Variants in CNTN6 observed in about 807,000 individuals in gnomAD.
The protein encoded by CNTN6 is contactin-6.
CNTN6 carries 137 observed loss-of-function variants against 122.8 expected under a neutral mutation model. That is an observed-to-expected ratio of 1.12 (90% CI 0.97 to 1.29). The LOEUF is 1.29. CNTN6 is among the 50% of genes most tolerant of loss of function. The probability of loss-of-function intolerance (pLI) is 0.00; values close to 1 mark genes in which losing one functional copy is unlikely to be tolerated. For synonymous variants in CNTN6, 570 were observed against 426.0 expected (o/e 1.34, Z -4.16); for missense variants, 1,634 against 1,223.4 (o/e 1.34, Z -5.01).
chr3:1,202,119 G>C (rs760792642), intron 2 of CNTN6, among the ~76,000 whole-genome samples: 10 of 152,158 alleles, frequency 6.6e-5, no homozygotes, highest in Admixed American at 6.5e-4. Flanking sequence ...ATGTCGCTGG[G>C]GAGTGTCACT....
At chr3:1,158,847 T>TGTGTGTGTATATATATGTATATATAC (rs2093046183) in intron 2 of CNTN6, among the ~76,000 whole-genome samples, 5 of 92,120 alleles carry the variant, frequency 5.4e-5, no homozygotes, top group Admixed American at 1.2e-4. Context: ...CACATATATA[T>TGTGTGTGTATATATATGTATATATAC]ACATACATAT....
intron 9 of CNTN6, 71 bp from the exon 10 acceptor site, chr3:1,327,386 A>C (rs577757855): frequency 6.9e-7 from 1 of 1,444,584 alleles, no homozygotes; most frequent in East Asian, 2.3e-5. Flanking sequence ...AATGTTGTTT[A>C]ATAACATATC....
At chr3:1,276,436 A>G (rs537159659) in intron 4 of CNTN6, among the ~76,000 whole-genome samples, 13 of 152,316 alleles carry the variant, frequency 8.5e-5, no homozygotes, top group African/African-American at 2.9e-4. Context: ...CTGCTGTATT[A>G]TTAGATTATT....
chr3:1,243,788 G>C (rs1450651413), intron 4 of CNTN6, among the ~76,000 whole-genome samples: 1 of 152,160 alleles, frequency 6.6e-6, no homozygotes, highest in Non-Finnish European at 1.5e-5. Context: ...GAGGAGGGGA[G>C]GCTGAGGAAG....
chr3:1,403,462 A>AACAGTGACT lies in CNTN6; in HGVS notation c.*44_*45insACAGTGACT. On this transcript the variant is annotated 3_prime_UTR_variant, in exon 23 of 23. Coordinates refer to ENST00000446702, the MANE Select transcript of CNTN6 (RefSeq NM_001289080.2). ...TTTGAGAGTTTTTTGAAAGCAAATC[A>AACAGTGACT]TTCTGTATATATGCTCTCCAGCCTC... 7.9e-7 allele frequency: 1 copy of AACAGTGACT among 1,259,970 alleles called. No individual in the cohort carries two copies. The highest frequency in any genetic ancestry group is 1.2e-5 in the South Asian group (1 of 83,220). 78.0% of individuals were successfully genotyped at this position (1,259,970 alleles called of 1,614,324 possible). A position where few individuals can be genotyped will look rare whatever the true frequency, so the allele number is the denominator to read the frequency against.
At chr3:1,357,508 ATAT>A (rs1369515497) in intron 12 of CNTN6, among the ~76,000 whole-genome samples, 2 of 151,940 alleles carry the variant, frequency 1.3e-5, no homozygotes, top group Admixed American at 6.6e-5. Flanking sequence ...TTTGAAGCAG[ATAT>A]TATTATCTCA....
At chr3:1,341,202 T>G (rs1323794626) in intron 11 of CNTN6, among the ~76,000 whole-genome samples, 1 of 152,042 alleles carries the variant, frequency 6.6e-6, no homozygotes, top group East Asian at 1.9e-4. Flanking sequence ...TTTTTTTAAT[T>G]TATTTCTTTA....
intron 20 of CNTN6, among the ~76,000 whole-genome samples, chr3:1,392,251 G>A (rs1399087601): frequency 3.7e-4 from 56 of 152,036 alleles, no homozygotes; most frequent in African/African-American, 1.3e-3. Context: ...AAATAACGCC[G>A]CATATCTACA....
chr3:1,158,847 T>TAC (rs1208362880), intron 2 of CNTN6, among the ~76,000 whole-genome samples: 125 of 92,088 alleles, frequency 1.4e-3, no homozygotes, highest in African/African-American at 6.1e-3. Flanking sequence ...CACATATATA[T>TAC]ACATACATAT....
chr3:1,220,177 G>A (rs1487670542), intron 2 of CNTN6, among the ~76,000 whole-genome samples: 1 of 151,150 alleles, frequency 6.6e-6, no homozygotes, highest in Non-Finnish European at 1.5e-5. Context: ...GCAACAGAAG[G>A]TGACTCCATA....
intron 4 of CNTN6, among the ~76,000 whole-genome samples, chr3:1,241,424 G>A (rs1044351823): frequency 2.5e-4 from 38 of 151,778 alleles, no homozygotes; most frequent in Admixed American, 6.5e-4. Flanking sequence ...GTCTTGTGGT[G>A]AGGGGTGATA....
chr3:1,320,965 G>C (rs1442971050), intron 7 of CNTN6, among the ~76,000 whole-genome samples: 1 of 151,520 alleles, frequency 6.6e-6, no homozygotes, highest in Non-Finnish European at 1.5e-5. Flanking sequence ...CTTTATAACA[G>C]GGGACAGGCT....
intron 1 of CNTN6, among the ~76,000 whole-genome samples, chr3:1,109,401 C>T (rs1269871393): frequency 6.6e-6 from 1 of 151,874 alleles, no homozygotes; most frequent in Non-Finnish European, 1.5e-5. Flanking sequence ...TTCTTGTTTA[C>T]AATTTACCAA....
At chr3:1,198,706 G>A (rs1385754275) in intron 2 of CNTN6, among the ~76,000 whole-genome samples, 2 of 142,508 alleles carry the variant, frequency 1.4e-5, no homozygotes, top group Non-Finnish European at 3.0e-5. Context: ...TGGGCAACAA[G>A]AACGAAACTG....
chr3:1,233,552 A>G (rs140747453), intron 4 of CNTN6, among the ~76,000 whole-genome samples: 10,169 of 151,776 alleles, frequency 0.067, 409 homozygotes, highest in Middle Eastern at 0.14. Flanking sequence ...TGGCCAACAT[A>G]GTGAAACCAC....
chr3:1,402,815 G>A, intron 22 of CNTN6: 2 of 217,654 alleles, frequency 9.2e-6, no homozygotes, highest in Non-Finnish European at 9.1e-6. Flanking sequence ...TTTTACAACA[G>A]GAATGGCAAA....
chr3:1,387,165 C>A (rs1693138529), intron 20 of CNTN6, among the ~76,000 whole-genome samples: 1 of 151,264 alleles, frequency 6.6e-6, no homozygotes, highest in Non-Finnish European at 1.5e-5. Flanking sequence ...ACCCATGAAG[C>A]ACAAACAAGG....
At chr3:1,382,462 A>C (rs1692045109) in intron 17 of CNTN6, among the ~76,000 whole-genome samples, 1 of 152,222 alleles carries the variant, frequency 6.6e-6, no homozygotes, top group Non-Finnish European at 1.5e-5. Context: ...TACTTTTTTA[A>C]AGAAATATTC....
At chr3:1,196,953 A>C (rs1186749211) in intron 2 of CNTN6, among the ~76,000 whole-genome samples, 3 of 152,142 alleles carry the variant, frequency 2.0e-5, no homozygotes, top group African/African-American at 4.8e-5. Context: ...GGGAGAAGAA[A>C]CCTGTAGAAC....
Sources: gnomAD v4.1 joint callset for allele counts (sites outside exome capture counted in the v4.1 genomes callset) on GRCh38, gnomAD v4.1.1 for gene constraint, MANE v1.5 for transcripts, NCBI Gene and HGNC (gene_info 2026-07-23, HGNC 2026-07-21) for gene names.